The following WWOX variants were observed in gnomAD, a reference collection of about 807,000 sequenced individuals.
The protein encoded by WWOX is WW domain-containing oxidoreductase.
A neutral mutation model predicts 46.2 loss-of-function variants in WWOX; 69 were observed. The ratio of observed to expected loss-of-function variants is 1.49; its 90% confidence interval spans 1.23 to 1.82. The LOEUF (loss-of-function observed/expected upper bound fraction) is 1.82. WWOX is among the 40% of genes most tolerant of loss of function. The pLI, the probability that WWOX is intolerant of heterozygous loss-of-function variation, is 0.00. For synonymous variants in WWOX, 359 were observed against 202.6 expected (o/e 1.77, Z -6.56); for missense variants, 919 against 542.6 (o/e 1.69, Z -6.89).
intron 8 of WWOX, among the ~76,000 whole-genome samples, chr16:79,038,535 T>C (rs1234598565): frequency 6.6e-6 from 1 of 152,184 alleles, no homozygotes; most frequent in South Asian, 2.1e-4. Context: ...TATCAGAGTT[T>C]TCTGACAAAG....
At chr16:78,492,775 G>A (rs574319221) in intron 8 of WWOX, among the ~76,000 whole-genome samples, 4 of 152,318 alleles carry the variant, frequency 2.6e-5, no homozygotes, top group African/African-American at 9.6e-5. Context: ...ACATCAAGGT[G>A]TGTTTGTTTT....
At chr16:78,799,968 C>T (rs1366702512) in intron 8 of WWOX, among the ~76,000 whole-genome samples, 1 of 152,198 alleles carries the variant, frequency 6.6e-6, no homozygotes, top group African/African-American at 2.4e-5. Context: ...CCGCGTCTGG[C>T]ATTGCAGGTC....
intron 8 of WWOX, among the ~76,000 whole-genome samples, chr16:79,037,684 T>C (rs2047894562): frequency 2.0e-5 from 3 of 152,200 alleles, no homozygotes; most frequent in Admixed American, 6.5e-5. Context: ...GGTTATTAAA[T>C]AGGCCTCACA....
In WWOX at chr16:78,339,518, G is replaced by A. The variant is rs1435689883; in HGVS notation, c.517-47342G>A. ...CTGGAAAGTTCATTTACCTGTACCC[G>A]GAGTTGGAACTTCTCTTCCACATCT... is the stretch of plus-strand genomic sequence containing the variant. On this transcript the variant is annotated intron_variant, in intron 5 of 8. Coordinates refer to ENST00000566780, the MANE Select transcript of WWOX (RefSeq NM_016373.4). Among the ~76,000 whole-genome samples, 4 of 119,600 alleles carry A rather than the reference G, an allele frequency of 3.3e-5. 1 individual carries two copies. The highest frequency in any genetic ancestry group is 1.1e-4 in the African/African-American group (4 of 35,262). 78.5% of individuals were successfully genotyped at this position (119,600 alleles called of 152,430 possible). A position where few individuals can be genotyped will look rare whatever the true frequency, so the allele number is the denominator to read the frequency against.
intron 5 of WWOX, among the ~76,000 whole-genome samples, chr16:78,358,433 A>T (rs1013819703): frequency 6.6e-6 from 1 of 152,114 alleles, no homozygotes; most frequent in Non-Finnish European, 1.5e-5. Context: ...TGAGGTGGGC[A>T]GATCACTTGA....
chr16:78,906,789 C>A (rs185497373), intron 8 of WWOX, among the ~76,000 whole-genome samples: 1 of 152,246 alleles, frequency 6.6e-6, no homozygotes, highest in East Asian at 1.9e-4. Flanking sequence ...GTCTTCTGAC[C>A]CTTTATCACC....
intron 8 of WWOX, among the ~76,000 whole-genome samples, chr16:78,876,350 C>A (rs2044233618): frequency 6.6e-6 from 1 of 151,806 alleles, no homozygotes; most frequent in Non-Finnish European, 1.5e-5. Flanking sequence ...GGTGTTTTGT[C>A]TGGAATTTTC....
At chr16:78,605,230 C>A (rs1205144891) in intron 8 of WWOX, among the ~76,000 whole-genome samples, 3 of 151,118 alleles carry the variant, frequency 2.0e-5, no homozygotes, top group African/African-American at 7.3e-5. Context: ...TCATTGTTTC[C>A]CCATAATTTT....
chr16:78,419,822 G>A (rs2082881507), intron 6 of WWOX, among the ~76,000 whole-genome samples: 2 of 152,064 alleles, frequency 1.3e-5, no homozygotes, highest in Non-Finnish European at 2.9e-5. Context: ...AAGTGTTTGT[G>A]CTGCAAATGA....
At chr16:78,713,976 G>T (rs900290918) in intron 8 of WWOX, among the ~76,000 whole-genome samples, 1 of 152,116 alleles carries the variant, frequency 6.6e-6, no homozygotes, top group Non-Finnish European at 1.5e-5. Flanking sequence ...GGCTACGAGG[G>T]CTTGTGTGTA....
intron 8 of WWOX, chr16:78,899,352 G>A (rs2044771990): frequency 6.6e-6 from 1 of 152,132 alleles, no homozygotes; most frequent in African/African-American, 2.4e-5. Context: ...TTGGTTAAAA[G>A]GATTTGTTCC....
intron 8 of WWOX, among the ~76,000 whole-genome samples, chr16:79,056,084 T>TAA (rs144063291): frequency 4.3e-4 from 65 of 151,024 alleles, no homozygotes; most frequent in Admixed American, 1.8e-3. Context: ...GCTCAGCTTG[T>TAA]AAAAAAAAAG....
chr16:79,117,489 G>A (rs1395067031), intron 8 of WWOX, among the ~76,000 whole-genome samples: 1 of 152,220 alleles, frequency 6.6e-6, no homozygotes, highest in African/African-American at 2.4e-5. Context: ...AGGATTTTGG[G>A]AATGGTAAAT....
rs1301942788 is a variant in WWOX, at chr16:78,562,726, G to C, written c.1056+129974G>C. ...CAATCTGATCGCTCCCCTGAATGGA[G>C]GTGAAAGCATGCAAGCTAGGAGTTA... is the stretch of plus-strand genomic sequence containing the variant. On this transcript the variant is annotated intron_variant, in intron 8 of 8. Coordinates refer to ENST00000566780, the MANE Select transcript of WWOX (RefSeq NM_016373.4). 7.2e-5 allele frequency among the ~76,000 whole-genome samples: 11 copies of C among 152,158 alleles called. No homozygotes were observed. In the East Asian group the frequency reaches 1.7e-3, roughly 24 times the overall value.
intron 8 of WWOX, among the ~76,000 whole-genome samples, chr16:78,480,311 C>A (rs1319825119): frequency 6.6e-6 from 1 of 152,154 alleles, no homozygotes; most frequent in African/African-American, 2.4e-5. Flanking sequence ...AAGCATTAGT[C>A]CCCAAAGTGT....
At chr16:78,842,130 C>G (rs899896266) in intron 8 of WWOX, among the ~76,000 whole-genome samples, 3 of 152,114 alleles carry the variant, frequency 2.0e-5, no homozygotes, top group Admixed American at 6.5e-5. Flanking sequence ...CAATGTATCT[C>G]TTAAAGTAAT....
chr16:79,120,541 C>A (rs916139299), intron 8 of WWOX, among the ~76,000 whole-genome samples: 1 of 152,144 alleles, frequency 6.6e-6, no homozygotes, highest in Non-Finnish European at 1.5e-5. Flanking sequence ...TAACGGCAAA[C>A]TGAGTGACGT....
intron 8 of WWOX, among the ~76,000 whole-genome samples, chr16:78,583,425 A>G (rs532571395): frequency 6.6e-6 from 1 of 152,300 alleles, no homozygotes; most frequent in East Asian, 1.9e-4. Flanking sequence ...GGTATCTTCA[A>G]AGGAATTTAG....
chr16:79,101,644 G>A (rs532367428), intron 8 of WWOX: 7 of 151,522 alleles, frequency 4.6e-5, no homozygotes, highest in African/African-American at 7.3e-5. Context: ...CACAGAACAC[G>A]CCGTGCTTTC....
Sources: allele counts gnomAD v4.1 joint callset (sites outside exome capture counted in the v4.1 genomes callset), GRCh38; gene constraint gnomAD v4.1.1; transcripts MANE v1.5; gene names NCBI Gene and HGNC (gene_info 2026-07-23, HGNC 2026-07-21).